The following WDR75 variants were observed in gnomAD, a reference collection of about 807,000 sequenced individuals.
WDR75 encodes the protein WD repeat domain 75, also known as WD repeat-containing protein 75.
In WDR75, 52 loss-of-function variants were observed where a neutral mutation model predicts 106.1. The observed-to-expected ratio is 0.49, with a 90% CI of 0.39 to 0.62. The LOEUF (loss-of-function observed/expected upper bound fraction) is 0.62, where lower values mean the gene tolerates loss of function less well. Ranked by LOEUF, WDR75 falls within the 20% of genes least tolerant of loss-of-function variation. The probability of loss-of-function intolerance (pLI) is 0.00; values close to 1 mark genes in which losing one functional copy is unlikely to be tolerated. For missense variants in WDR75, 905 were observed against 970.3 expected (o/e 0.93, Z 0.89); for synonymous variants, 333 against 335.5 (o/e 0.99, Z 0.08).
intron 13 of WDR75, 98 bp from the exon 14 acceptor site, chr2:189,467,370 G>A: frequency 7.6e-7 from 1 of 1,315,562 alleles, no homozygotes; most frequent in Non-Finnish European, 1.0e-6. Flanking sequence ...TGAAACCACA[G>A]AAAGTGAACC....
At chr2:189,464,529 C>A (rs1686962565) in intron 11 of WDR75, among the ~76,000 whole-genome samples, 1 of 152,074 alleles carries the variant, frequency 6.6e-6, no homozygotes, top group African/African-American at 2.4e-5. Context: ...TTATGCTTAT[C>A]TCAAGTATAA....
At chr2:189,449,155 C>T in intron 2 of WDR75, 1 of 917,650 alleles carries the variant, frequency 1.1e-6, no homozygotes, top group Admixed American at 2.5e-5. Context: ...TAATTCTGTT[C>T]TTAAGTTTCG....
chr2:189,455,870 G>T (rs1474264660), intron 5 of WDR75, among the ~76,000 whole-genome samples: 1 of 152,096 alleles, frequency 6.6e-6, no homozygotes, highest in East Asian at 1.9e-4. Context: ...TTCCCGAAAA[G>T]AATTAAGATC....
intron 4 of WDR75, among the ~76,000 whole-genome samples, chr2:189,453,243 T>C (rs987980114): frequency 2.6e-5 from 4 of 152,222 alleles, no homozygotes; most frequent in Non-Finnish European, 4.4e-5. Context: ...ACAGTTCACA[T>C]GTTTACGAAA....
chr2:189,441,506 A>G lies in WDR75; in HGVS notation c.14A>G (p.Glu5Gly), dbSNP rs748375043. Residue 5 changes from glutamate (E) to glycine (G), a missense_variant, in exon 1 of 21, where the codon GAG becomes GGG. Coordinates refer to ENST00000314761, the MANE Select transcript of WDR75 (RefSeq NM_032168.3). MVEEENIRVVRCGGS... is the reference protein window; with the variant it reads MVEEGNIRVVRCGGS... Reference sequence around the variant, plus strand: ...TACTGCGCAAAGATGGTGGAGGAGGAGAACATCCGCGTGGTTCGTTGTGGC... The same window carrying G: ...TACTGCGCAAAGATGGTGGAGGAGGGGAACATCCGCGTGGTTCGTTGTGGC... 26 of 1,564,690 alleles carry G rather than the reference A, an allele frequency of 1.7e-5. No homozygotes were observed. The highest frequency in any genetic ancestry group is 2.1e-5 in the Non-Finnish European group (24 of 1,153,360).
intron 2 of WDR75, 26 bp from the exon 3 acceptor site, chr2:189,450,877 A>G (rs950345487): frequency 1.3e-6 from 2 of 1,593,776 alleles, no homozygotes; most frequent in South Asian, 1.2e-5. Context: ...TTTTTAAATC[A>G]ATTTTGTATT....
Position 189,466,450 on chromosome 2 carries a change from A to G in WDR75, c.1315A>G (p.Met439Val), listed in dbSNP as rs775947333. Residue 439 changes from methionine to valine, a missense_variant, in exon 13 of 21, where the codon ATG becomes GTG. Met to Val is a conservative substitution (Grantham distance 21). Coordinates refer to ENST00000314761, the MANE Select transcript of WDR75 (RefSeq NM_032168.3). ...GTTTATTCTTAACACTAAAATTAACATGCCACACGAAGACTGCATTACAGC... is the reference window on the plus strand; with the variant it reads ...GTTTATTCTTAACACTAAAATTAACGTGCCACACGAAGACTGCATTACAGC... ...QGFILNTKINMPHEDCITALC... is the reference protein window; with the variant it reads ...QGFILNTKINVPHEDCITALC... 2 of 1,612,510 alleles carry G rather than the reference A, an allele frequency of 1.2e-6. No homozygotes were observed. Among genetic ancestry groups the G allele is most frequent in the Non-Finnish European group, 1.7e-6 (2 of 1,179,180 alleles).
In WDR75 at chr2:189,451,831, T is replaced by C; in HGVS notation, c.309T>C (p.His103=). The C allele has an allele frequency of 6.2e-7, 1 of 1,613,872 alleles. No individual in the cohort carries two copies. ...CTTTCATAGTTGGATGTAAACTTCATGCCCTCTTTACTCTTGCCCAAGCTG... is the reference window on the plus strand; with the variant it reads ...CTTTCATAGTTGGATGTAAACTTCACGCCCTCTTTACTCTTGCCCAAGCTG... ...IKTFIVGCKL[H]ALFTLAQAED... is the part of the protein sequence containing the mutation. Residue 103 remains histidine, a synonymous_variant, in exon 4 of 21, where the codon CAT becomes CAC. Coordinates refer to ENST00000314761, the MANE Select transcript of WDR75 (RefSeq NM_032168.3).
At chr2:189,464,164 G>C (rs1021615145) in intron 11 of WDR75, 3 of 567,360 alleles carry the variant, frequency 5.3e-6, no homozygotes, top group African/African-American at 3.8e-5. Flanking sequence ...AAGCCAGTTG[G>C]CACTCCTGTA....
intron 20 of WDR75, 28 bp from the exon 21 acceptor site, chr2:189,475,185 T>A (rs923818001): frequency 2.6e-6 from 4 of 1,515,226 alleles, no homozygotes; most frequent in Non-Finnish European, 3.6e-6. Context: ...TTTAATAGTG[T>A]TTATATTTTA....
In WDR75 at chr2:189,441,538, G is replaced by T; in HGVS notation, c.46G>T (p.Glu16Ter). 1 of 1,564,856 alleles carries T rather than the reference G, an allele frequency of 6.4e-7. No homozygotes were observed. Among genetic ancestry groups the T allele is most frequent in the Non-Finnish European group, 8.7e-7 (1 of 1,153,510 alleles). The change falls in exon 1 of 21, where the codon GAG (glutamate) becomes TAG (stop). Residue 16 changes from glutamate (E) to a stop codon, truncating the protein, a stop_gained. Transcript: ENST00000314761. LOFTEE classifies it high-confidence loss of function. ...CCGCGTGGTTCGTTGTGGCGGCAGC[G>T]AGTTGAACTTTAGGAGAGCTGTGTT... is the stretch of plus-strand genomic sequence containing the variant. ...NIRVVRCGGS[E>*]LNFRRAVFSA... is the part of the protein sequence containing the mutation.
intron 2 of WDR75, chr2:189,450,334 T>C (rs1412264153): frequency 2.5e-5 from 24 of 978,814 alleles, no homozygotes; most frequent in Non-Finnish European, 2.9e-5. Context: ...CAAGCTCTTG[T>C]GTGGGTGTTT....
intron 16 of WDR75, 152 bp downstream of exon 16, chr2:189,469,591 T>A: frequency 1.6e-6 from 1 of 635,664 alleles, no homozygotes; most frequent in South Asian, 1.9e-5. Flanking sequence ...CACTTTGTCA[T>A]TGTGTGCGTC....
chr2:189,465,985 T>C (rs1305724121), intron 12 of WDR75, among the ~76,000 whole-genome samples: 2 of 152,160 alleles, frequency 1.3e-5, no homozygotes, highest in Non-Finnish European at 2.9e-5. Context: ...TAGTAAATAA[T>C]GACCAGCCAG....
chr2:189,465,081 A>G lies in WDR75; in HGVS notation c.1116A>G (p.Leu372=), dbSNP rs1686973509. Reference sequence around the variant, plus strand: ...TTTTGGTTTTTTTTACTCATCAGTTAGATATTATACAGCAAGAATATATTA... The same window carrying G: ...TTTTGGTTTTTTTTACTCATCAGTTGGATATTATACAGCAAGAATATATTA... ...SLQSDKQLYN[L]DIIQQEYIND... The change falls in exon 12 of 21, where the codon TTA becomes TTG. Residue 372 remains leucine, a splice_region_variant and synonymous_variant. Coordinates refer to ENST00000314761, the MANE Select transcript of WDR75 (RefSeq NM_032168.3). 1.3e-6 allele frequency: 2 copies of G among 1,564,862 alleles called. No homozygotes were observed. The highest frequency in any genetic ancestry group is 1.7e-6 in the Non-Finnish European group (2 of 1,153,962).
intron 8 of WDR75, among the ~76,000 whole-genome samples, chr2:189,460,513 T>TC (rs1686855983): frequency 6.6e-6 from 1 of 151,698 alleles, no homozygotes; most frequent in African/African-American, 2.4e-5. Flanking sequence ...GGCAGGGGTT[T>TC]TTTTTTTTTT....
Position 189,458,763 on chromosome 2 carries a change from T to C in WDR75, c.580T>C (p.Ser194Pro). Reference protein sequence around the residue: ...KKKTTSRFTLSSSRNKKHAKN... With the variant: ...KKKTTSRFTLPSSRNKKHAKN... ...TTTTTTTTCTCCTAGGTTTACTTTA[T>C]CATCATCAAGAAATAAGAAGCATGC... is the stretch of plus-strand genomic sequence containing the variant. The change falls in exon 7 of 21, where the codon TCA (serine) becomes CCA (proline). Residue 194 changes from serine (S) to proline (P), a missense_variant. Physicochemically the swap from Ser to Pro is moderately conservative, Grantham distance 74. Coordinates refer to ENST00000314761, the MANE Select transcript of WDR75 (RefSeq NM_032168.3). 1 of 1,583,364 alleles carries C rather than the reference T, an allele frequency of 6.3e-7. No homozygotes were observed. The highest frequency in any genetic ancestry group is 1.2e-5 in the South Asian group (1 of 85,244).
chr2:189,450,079 GT>G (rs79717609), intron 2 of WDR75: 174,610 of 972,988 alleles, frequency 0.18, 16,733 homozygotes, highest in South Asian at 0.21. Flanking sequence ...TAAACCATTA[GT>G]TACCATTCTG....
intron 7 of WDR75, 92 bp downstream of exon 7, chr2:189,458,964 G>A (rs1574196184): frequency 5.1e-6 from 7 of 1,373,232 alleles, no homozygotes; most frequent in Non-Finnish European, 6.7e-6. Context: ...CCAAGAAACA[G>A]CCTCCCTTTC....
Sources: allele counts gnomAD v4.1 joint callset (sites outside exome capture counted in the v4.1 genomes callset), GRCh38; gene constraint gnomAD v4.1.1; transcripts MANE v1.5; gene names NCBI Gene and HGNC (gene_info 2026-07-23, HGNC 2026-07-21).